The following GRIN2A variants were observed in gnomAD, a reference collection of about 807,000 sequenced individuals.
GRIN2A encodes the protein glutamate ionotropic receptor NMDA type subunit 2A.
In GRIN2A, 22 loss-of-function variants were observed where a neutral mutation model predicts 113.4. That is an observed-to-expected ratio of 0.19 (90% CI 0.14 to 0.28). The LOEUF (loss-of-function observed/expected upper bound fraction) is 0.28. Among genes scored for constraint, GRIN2A ranks in the 10% least tolerant of loss-of-function variants. GRIN2A has a pLI of 1.00. For synonymous variants in GRIN2A, 827 were observed against 738.4 expected (o/e 1.12, Z -1.94); for missense variants, 1,502 against 1,887.0 (o/e 0.80, Z 3.78).
At chr16:9,983,941 T>G (rs2045936482) in intron 2 of GRIN2A, among the ~76,000 whole-genome samples, 3 of 152,230 alleles carry the variant, frequency 2.0e-5, no homozygotes, top group Non-Finnish European at 4.4e-5. Context: ...GGTTGCTGGA[T>G]CATACAGAAG....
intron 2 of GRIN2A, among the ~76,000 whole-genome samples, chr16:10,141,810 G>C (rs761412813): frequency 1.3e-5 from 2 of 152,232 alleles, no homozygotes; most frequent in East Asian, 3.8e-4. Flanking sequence ...TTACAAATGA[G>C]ATACCAGAGC....
chr16:9,995,061 C>A (rs147805790), intron 2 of GRIN2A, among the ~76,000 whole-genome samples: 21 of 152,314 alleles, frequency 1.4e-4, no homozygotes, highest in African/African-American at 4.6e-4. Flanking sequence ...GAAAGGAAGA[C>A]TGTTGGTCCT....
At chr16:9,849,557 A>AGTGC (rs2042842440) in intron 5 of GRIN2A, among the ~76,000 whole-genome samples, 199 bp downstream of exon 5, 1 of 152,226 alleles carries the variant, frequency 6.6e-6, no homozygotes, top group East Asian at 1.9e-4. Flanking sequence ...TTGCTGGTGG[A>AGTGC]ATTAAATGAA....
intron 2 of GRIN2A, among the ~76,000 whole-genome samples, chr16:10,170,567 T>A (rs933236122): frequency 4.6e-5 from 7 of 152,128 alleles, no homozygotes; most frequent in South Asian, 2.1e-4. Flanking sequence ...CATCTCACAT[T>A]TACTTGTATA....
rs1903448886 is a variant in GRIN2A at position 9,802,842 on chromosome 16, G to T, written c.2169-4378C>A. Among the ~76,000 whole-genome samples, 4 of 152,138 alleles carry T rather than the reference G, an allele frequency of 2.6e-5. No homozygotes were observed. The South Asian group carries it at 8.3e-4, about 32-fold the overall frequency. ...TCATTTAATTTCATTAATTTAGATT[G>T]TAATGTAGGGGGTCCCACGTGCCTA... On this transcript the variant is annotated intron_variant, in intron 10 of 12. Coordinates refer to ENST00000330684, the MANE Select transcript of GRIN2A (RefSeq NM_001134407.3).
intron 2 of GRIN2A, among the ~76,000 whole-genome samples, chr16:10,056,342 A>G (rs975634511): frequency 6.6e-6 from 1 of 151,984 alleles, no homozygotes; most frequent in Non-Finnish European, 1.5e-5. Flanking sequence ...CCATTCAAAT[A>G]ATCATTCACC....
intron 3 of GRIN2A, among the ~76,000 whole-genome samples, chr16:9,898,268 C>G (rs574889036): frequency 2.4e-4 from 36 of 152,218 alleles, no homozygotes; most frequent in Middle Eastern, 3.4e-3. Flanking sequence ...TTCTAACACC[C>G]TACTACAAAT....
chr16:9,836,107 A>T (rs943688692), intron 7 of GRIN2A, among the ~76,000 whole-genome samples: 2 of 152,268 alleles, frequency 1.3e-5, no homozygotes, highest in Non-Finnish European at 2.9e-5. Flanking sequence ...TAGGAGATTT[A>T]TAAGTACTTC....
intron 2 of GRIN2A, among the ~76,000 whole-genome samples, chr16:10,119,812 C>G (rs2048799072): frequency 6.6e-6 from 1 of 152,190 alleles, no homozygotes; most frequent in African/African-American, 2.4e-5. Flanking sequence ...TTAGCTCCCA[C>G]TTATAAGTAA....
intron 2 of GRIN2A, among the ~76,000 whole-genome samples, chr16:10,143,965 CA>C (rs969157306): frequency 7.3e-5 from 11 of 151,294 alleles, no homozygotes; most frequent in Admixed American, 3.3e-4. Flanking sequence ...GACTCTGTCT[CA>C]AAAAAAAATT....
chr16:10,170,886 A>C (rs2050028269), intron 2 of GRIN2A, among the ~76,000 whole-genome samples: 1 of 152,084 alleles, frequency 6.6e-6, no homozygotes, highest in Non-Finnish European at 1.5e-5. Context: ...TCTTTAAAAA[A>C]AAAAAAAAAA....
intron 2 of GRIN2A, among the ~76,000 whole-genome samples, chr16:10,172,531 G>T (rs766099266): frequency 6.6e-6 from 1 of 152,242 alleles, no homozygotes; most frequent in Non-Finnish European, 1.5e-5. Context: ...GTGAAGTGAA[G>T]TGAAGTGAAG....
At chr16:10,161,293 T>C (rs1465736787) in intron 2 of GRIN2A, among the ~76,000 whole-genome samples, 3 of 152,126 alleles carry the variant, frequency 2.0e-5, no homozygotes, top group Admixed American at 6.5e-5. Context: ...GCCATGATTG[T>C]AAATTTCCGG....
At position 10,063,847 on chromosome 16, in the gene GRIN2A, G is replaced by A. The variant is rs148990775; in HGVS notation, c.414+116151C>T. ...TACAGTAGCCTTCATTTCTTGCACC[G>A]CCAAAAGCCGGGCTGATAATGGAGC... On this transcript the variant is annotated intron_variant, in intron 2 of 12. Transcript: ENST00000330684. 4.3e-3 allele frequency among the ~76,000 whole-genome samples: 647 copies of A among 152,176 alleles called. 2 individuals carry two copies. The highest frequency in any genetic ancestry group is 0.015 in the African/African-American group (605 of 41,504).
chr16:10,058,798 A>G lies in GRIN2A; in HGVS notation c.415-120247T>C, dbSNP rs9934259. ...CTGAATGTTTCTGACATTCCTGACA[A>G]TATGGTTAGTGCTAGCAATATACAA... is the stretch of plus-strand genomic sequence containing the variant. On this transcript the variant is annotated intron_variant, in intron 2 of 12. Transcript: ENST00000330684. Among the ~76,000 whole-genome samples, 753 of 152,304 alleles carry G rather than the reference A, an allele frequency of 4.9e-3. 5 individuals are homozygous for G. The highest frequency in any genetic ancestry group is 0.017 in the African/African-American group (688 of 41,558).
intron 2 of GRIN2A, among the ~76,000 whole-genome samples, chr16:10,144,805 C>T (rs1465786362): frequency 1.3e-5 from 2 of 150,636 alleles, no homozygotes; most frequent in African/African-American, 4.9e-5. Context: ...CCTGTAATCC[C>T]AACTACTCAG....
chr16:10,060,720 G>C (rs1358075070), intron 2 of GRIN2A, among the ~76,000 whole-genome samples: 1 of 152,136 alleles, frequency 6.6e-6, no homozygotes, highest in Non-Finnish European at 1.5e-5. Flanking sequence ...ACTCAGAAAA[G>C]TTAAATATCT....
chr16:9,983,362 G>C (rs762165574), intron 2 of GRIN2A, among the ~76,000 whole-genome samples: 24 of 151,892 alleles, frequency 1.6e-4, no homozygotes, highest in Admixed American at 1.3e-4. Flanking sequence ...TTGGTTTTTT[G>C]TGCCTGGCTT....
chr16:9,850,079 T>G, intron 4 of GRIN2A, 118 bp from the exon 5 acceptor site: 1 of 814,750 alleles, frequency 1.2e-6, no homozygotes, highest in South Asian at 1.4e-5. Flanking sequence ...GCCACATATC[T>G]CAACATATGC....
Sources: gnomAD v4.1 joint callset for allele counts (sites outside exome capture counted in the v4.1 genomes callset) on GRCh38, gnomAD v4.1.1 for gene constraint, MANE v1.5 for transcripts, NCBI Gene and HGNC (gene_info 2026-07-23, HGNC 2026-07-21) for gene names.